The following RNF168 variants were observed in gnomAD, a reference collection of about 807,000 sequenced individuals.
RNF168 encodes the protein ring finger protein 168.
Under a neutral mutation model 34.9 loss-of-function variants are expected in RNF168, and 34 were observed. The observed-to-expected ratio is 0.97, with a 90% CI of 0.74 to 1.30. The LOEUF (loss-of-function observed/expected upper bound fraction) is 1.30. RNF168 is among the 50% of genes most tolerant of loss of function. The probability of loss-of-function intolerance (pLI) is 0.00; values close to 1 mark genes in which losing one functional copy is unlikely to be tolerated. For missense variants in RNF168, 725 were observed against 682.5 expected, an observed-to-expected ratio of 1.06 and a Z score of -0.69; for synonymous variants, 264 against 254.7, an observed-to-expected ratio of 1.04 and a Z score of -0.35.
intron 1 of RNF168, among the ~76,000 whole-genome samples, chr3:196,489,332 G>T (rs1039242626): frequency 7.1e-6 from 1 of 140,998 alleles, no homozygotes; most frequent in African/African-American, 2.6e-5. Context: ...AAAAAAAAAT[G>T]TTTTTTTTTT....
intron 5 of RNF168, among the ~76,000 whole-genome samples, chr3:196,474,124 ATTTTTTT>A (rs758504791): frequency 8.0e-6 from 1 of 124,316 alleles, no homozygotes; most frequent in Admixed American, 8.4e-5. Flanking sequence ...TCATCTTGCA[ATTTTTTT>A]TTTTTTTTTT....
At chr3:196,502,013 T>A (rs73891270) in intron 1 of RNF168, among the ~76,000 whole-genome samples, 7,613 of 105,630 alleles carry the variant, frequency 0.072, 673 homozygotes, top group African/African-American at 0.24. Flanking sequence ...AACGTATGTT[T>A]AAAAGGCAGG....
At chr3:196,478,887 A>G (rs1376441185) in intron 4 of RNF168, among the ~76,000 whole-genome samples, 1 of 150,280 alleles carries the variant, frequency 6.7e-6, no homozygotes, top group African/African-American at 2.5e-5. Context: ...CCTCAGAAGT[A>G]TTGTATTTTT....
chr3:196,486,206 G>C (rs1361397722), intron 3 of RNF168, among the ~76,000 whole-genome samples: 3 of 152,008 alleles, frequency 2.0e-5, no homozygotes, highest in Admixed American at 6.6e-5. Context: ...CCATAAAATG[G>C]AATATTATTC....
rs1318429027 is a variant in RNF168, at chr3:196,502,913, C to G, written c.261G>C (p.Glu87Asp). The G allele has an allele frequency of 6.2e-7, 1 of 1,614,114 alleles. No homozygotes were observed. The highest frequency in any genetic ancestry group is 8.5e-7 in the Non-Finnish European group (1 of 1,179,988). Residue 87 changes from glutamate to aspartate, a missense_variant, in exon 1 of 6, where the codon GAG (glutamate) becomes GAC (aspartate). Transcript: ENST00000318037. ...WTIIQKHYPR[E>D]CKLRASGQES... ...CTTGGCCAGACGCTCTAAGCTTGCACTCCCTGGGATAGTGTTTTTGAATTA... is the reference window on the plus strand; with the variant it reads ...CTTGGCCAGACGCTCTAAGCTTGCAGTCCCTGGGATAGTGTTTTTGAATTA...
chr3:196,469,812 A>G lies in RNF168; in HGVS notation c.*2007T>C, dbSNP rs1560263907. On this transcript the variant is annotated 3_prime_UTR_variant, in exon 6 of 6. Transcript: ENST00000318037. Reference sequence around the variant, plus strand: ...ACGTGGTTATGTTTCAGGTTCCACAACATAAGACACTGTGAGGTAACTCTC... The same window carrying G: ...ACGTGGTTATGTTTCAGGTTCCACAGCATAAGACACTGTGAGGTAACTCTC... 1 of 152,252 alleles carries G rather than the reference A, an allele frequency of 6.6e-6. No homozygotes were observed. Among genetic ancestry groups the G allele is most frequent in the African/African-American group, 2.4e-5 (1 of 41,470 alleles). 9.4% of individuals were successfully genotyped at this position (152,252 alleles called of 1,614,324 possible). A position where few individuals can be genotyped will look rare whatever the true frequency, so the allele number is the denominator to read the frequency against.
At position 196,470,643 on chromosome 3, in the gene RNF168, G is replaced by GT. The variant is rs1731975465; in HGVS notation, c.*1175dup. Reference sequence around the variant, plus strand: ...CTCAGCCTCATCCTCGTCTGGACCCGTTTCTGACGACCTAATCAGTTTCAA... The same window carrying GT: ...CTCAGCCTCATCCTCGTCTGGACCCGTTTTCTGACGACCTAATCAGTTTCAA... On this transcript the variant is annotated 3_prime_UTR_variant, in exon 6 of 6. Coordinates refer to ENST00000318037, the MANE Select transcript of RNF168 (RefSeq NM_152617.4). The GT allele has an allele frequency of 6.7e-6, 1 of 148,542 alleles. No individual in the cohort carries two copies. The highest frequency in any genetic ancestry group is 2.1e-4 in the South Asian group (1 of 4,824). 9.2% of individuals were successfully genotyped at this position (148,542 alleles called of 1,614,324 possible).
chr3:196,495,998 T>C (rs2108653823), intron 1 of RNF168, among the ~76,000 whole-genome samples: 1 of 152,316 alleles, frequency 6.6e-6, no homozygotes, highest in Non-Finnish European at 1.5e-5. Context: ...CTTCCTTCCA[T>C]AAATTAAAAA....
Position 196,471,694 on chromosome 3 carries a change from CTTCA to C in RNF168, c.*121_*124del. 1.3e-6 allele frequency: 1 copy of C among 746,738 alleles called. No individual in the cohort carries two copies. Among genetic ancestry groups the C allele is most frequent in the South Asian group, 1.5e-5 (1 of 68,068 alleles). 46.3% of individuals were successfully genotyped at this position (746,738 alleles called of 1,614,324 possible). A position where few individuals can be genotyped will look rare whatever the true frequency, so the allele number is the denominator to read the frequency against. On this transcript the variant is annotated 3_prime_UTR_variant, in exon 6 of 6. Transcript: ENST00000318037. ...ATGCAGTCCTTACAATCACACAGAC[CTTCA>C]TTAAGGACAATGAGTGTGCCTAGAG...
intron 1 of RNF168, among the ~76,000 whole-genome samples, chr3:196,489,496 T>A (rs374129592): frequency 1.8e-4 from 28 of 152,010 alleles, no homozygotes; most frequent in African/African-American, 6.5e-4. Flanking sequence ...CCAGCTAATT[T>A]TTGTATTTTT....
intron 1 of RNF168, among the ~76,000 whole-genome samples, chr3:196,490,187 A>C (rs1293251217): frequency 6.6e-6 from 1 of 152,234 alleles, no homozygotes; most frequent in Non-Finnish European, 1.5e-5. Flanking sequence ...AGCTATACAA[A>C]GAGAAAAAAT....
intron 1 of RNF168, among the ~76,000 whole-genome samples, chr3:196,492,755 G>A (rs1222923299): frequency 6.6e-6 from 1 of 152,024 alleles, no homozygotes; most frequent in East Asian, 1.9e-4. Flanking sequence ...TCCAGCCTGG[G>A]TGACAGAGAG....
At chr3:196,477,653 A>G (rs933119399) in intron 4 of RNF168, among the ~76,000 whole-genome samples, 2 of 152,262 alleles carry the variant, frequency 1.3e-5, no homozygotes, top group South Asian at 2.1e-4. Flanking sequence ...TATCACTGTT[A>G]TAACAGTTGT....
chr3:196,473,956 G>T lies in RNF168; in HGVS notation c.763-1184C>A, dbSNP rs148447511. Reference sequence around the variant, plus strand: ...CCCCTGGAAGCTAGACCCATTGTTTGTTATAAGAAATAATTGACCCTTACA... The same window carrying T: ...CCCCTGGAAGCTAGACCCATTGTTTTTTATAAGAAATAATTGACCCTTACA... On this transcript the variant is annotated intron_variant, in intron 5 of 5. Coordinates refer to ENST00000318037, the MANE Select transcript of RNF168 (RefSeq NM_152617.4). Among the ~76,000 whole-genome samples, 26 of 152,178 alleles carry T rather than the reference G, an allele frequency of 1.7e-4. No homozygotes were observed. In the East Asian group the frequency reaches 4.8e-3, roughly 28 times the overall value.
chr3:196,477,142 G>A (rs541174776), intron 4 of RNF168, among the ~76,000 whole-genome samples: 18 of 152,302 alleles, frequency 1.2e-4, no homozygotes, highest in Non-Finnish European at 2.2e-4. Flanking sequence ...ATAAAAGAAC[G>A]GGGAATAGAA....
chr3:196,485,399 C>T (rs756275306), intron 3 of RNF168, among the ~76,000 whole-genome samples: 1 of 151,930 alleles, frequency 6.6e-6, no homozygotes, highest in Non-Finnish European at 1.5e-5. Flanking sequence ...CCCAGATACT[C>T]TGGAGGCTGA....
At position 196,503,607 on chromosome 3, in the gene RNF168, T is replaced by A; in HGVS notation, c.-434A>T. The A allele has an allele frequency of 4.2e-6, 1 of 239,858 alleles. No individual in the cohort carries two copies. Among genetic ancestry groups the A allele is most frequent in the Non-Finnish European group, 8.4e-6 (1 of 118,758 alleles). 14.9% of individuals were successfully genotyped at this position (239,858 alleles called of 1,614,324 possible). On this transcript the variant is annotated 5_prime_UTR_variant, in exon 1 of 6. Transcript: ENST00000318037. ...TCCGGGAGGAAGCCCGGGCTCCGGCTGCAGCATAACTTCCGCTTTACCGCT... is the reference window on the plus strand; with the variant it reads ...TCCGGGAGGAAGCCCGGGCTCCGGCAGCAGCATAACTTCCGCTTTACCGCT...
At chr3:196,478,072 G>A (rs1229498042) in intron 4 of RNF168, among the ~76,000 whole-genome samples, 2 of 152,140 alleles carry the variant, frequency 1.3e-5, no homozygotes, top group Non-Finnish European at 2.9e-5. Flanking sequence ...GTGAGACCCT[G>A]TCTCTTAAAC....
At position 196,472,464 on chromosome 3, in the gene RNF168, G is replaced by A. The variant is rs1370677723; in HGVS notation, c.1071C>T (p.Pro357=). ...CATTTGTCTGTGTCACCCCTGATGT[G>A]GGGGCGCACCCACTTTCTGTTCTGC... ...PCGRTESGCA[P]TSGVTQTNGN... Residue 357 remains proline (P), a synonymous_variant, in exon 6 of 6, where the codon CCC becomes CCT. Coordinates refer to ENST00000318037, the MANE Select transcript of RNF168 (RefSeq NM_152617.4). The A allele has an allele frequency of 6.2e-7, 1 of 1,614,030 alleles. No individual in the cohort carries two copies. Among genetic ancestry groups the A allele is most frequent in the South Asian group, 1.1e-5 (1 of 91,064 alleles).
Sources: gnomAD v4.1 joint callset for allele counts (sites outside exome capture counted in the v4.1 genomes callset) on GRCh38, gnomAD v4.1.1 for gene constraint, MANE v1.5 for transcripts, NCBI Gene and HGNC (gene_info 2026-07-23, HGNC 2026-07-21) for gene names.